Variants in ZNF570 observed in about 807,000 individuals in gnomAD.
ZNF570 encodes the protein zinc finger protein 570.
Under a neutral mutation model 14.2 loss-of-function variants are expected in ZNF570, and 8 were observed. The ratio of observed to expected loss-of-function variants is 0.56; its 90% CI spans 0.33 to 1.02. The LOEUF is 1.02. Among genes scored for constraint, ZNF570 ranks in the 50% least tolerant of loss-of-function variants. The probability of loss-of-function intolerance (pLI) is 0.03; values close to 1 mark genes in which losing one functional copy is unlikely to be tolerated. For missense variants in ZNF570, 559 were observed against 624.9 expected (o/e 0.89, Z 1.12); for synonymous variants, 202 against 207.6 (o/e 0.97, Z 0.23).
At chr19:37,475,335 C>G (rs1416641089) in intron 2 of ZNF570, among the ~76,000 whole-genome samples, 1 of 152,128 alleles carries the variant, frequency 6.6e-6, no homozygotes, top group Non-Finnish European at 1.5e-5. Flanking sequence ...TTTCTTTACA[C>G]AAAATTTTGG....
intron 4 of ZNF570, among the ~76,000 whole-genome samples, chr19:37,480,913 C>T (rs1431984441): frequency 1.3e-5 from 2 of 151,668 alleles, no homozygotes; most frequent in Non-Finnish European, 2.9e-5. Flanking sequence ...CGTGCCACTG[C>T]ACTACCGCCT....
rs763982512 is a variant in ZNF570 at position 37,484,863 on chromosome 19, A to T, written c.1241A>T (p.Tyr414Phe). ...AGAATTCATACTGGAGAAAAACCTT[A>T]TAAGTGTCAGGAATGTAGGAAAGCA... ...HQRIHTGEKP[Y>F]KCQECRKAFS... is the part of the protein sequence containing the mutation. Residue 414 changes from tyrosine (Y) to phenylalanine (F), a missense_variant, in exon 5 of 5, where the codon TAT (tyrosine) becomes TTT (phenylalanine). By Grantham distance (22) the Tyr-to-Phe change is conservative (BLOSUM62 3). Transcript: ENST00000330173. The T allele has an allele frequency of 4.3e-6, 7 of 1,613,714 alleles. No individual in the cohort carries two copies. The highest frequency in any genetic ancestry group is 1.1e-5 in the South Asian group (1 of 91,050).
intron 2 of ZNF570, among the ~76,000 whole-genome samples, chr19:37,471,823 C>T (rs1364233791): frequency 6.6e-6 from 1 of 152,074 alleles, no homozygotes; most frequent in African/African-American, 2.4e-5. Context: ...AACTAGGAAA[C>T]TCTTAACGTA....
In ZNF570 at chr19:37,470,346, G is replaced by A; in HGVS notation, c.-9G>A. On this transcript the variant is annotated 5_prime_UTR_variant, in exon 2 of 5. Transcript: ENST00000330173. ...TATTTCCCAAGAGAAGAGCCAGGAG[G>A]AAGAAAGAATGGCTGTTGGGCTTCT... The A allele has an allele frequency of 6.2e-7, 1 of 1,614,142 alleles. No homozygotes were observed. The highest frequency in any genetic ancestry group is 8.5e-7 in the Non-Finnish European group (1 of 1,179,990).
chr19:37,476,154 C>CG, intron 3 of ZNF570, 147 bp downstream of exon 3: 1 of 1,352,446 alleles, frequency 7.4e-7, no homozygotes. Context: ...GTGGATTTGG[C>CG]AGTGAACATA....
chr19:37,485,285 T>G lies in ZNF570; in HGVS notation c.*52T>G. The stretch of plus-strand genomic sequence containing the variant: ...TTTATACTGTTTTTTATCTTTAATG[T>G]TGTCACCTTGGTCTGATTCATCTCA... On this transcript the variant is annotated 3_prime_UTR_variant, in exon 5 of 5. Transcript: ENST00000330173. 6.8e-7 allele frequency: 1 copy of G among 1,467,410 alleles called. No individual in the cohort carries two copies. 90.9% of individuals were successfully genotyped at this position (1,467,410 alleles called of 1,614,324 possible). A position where few individuals can be genotyped will look rare whatever the true frequency, so the allele number is the denominator to read the frequency against.
chr19:37,468,031 T>G, upstream of ZNF570: 1 of 1,137,094 alleles, frequency 8.8e-7, no homozygotes, highest in Non-Finnish European at 1.3e-6. Flanking sequence ...ACTAGCTGTG[T>G]CATCTCAGAC....
chr19:37,470,328 CAAGAG>C lies in ZNF570; in HGVS notation c.-21_-17del. 6.2e-7 allele frequency: 1 copy of C among 1,614,014 alleles called. No homozygotes were observed. The highest frequency in any genetic ancestry group is 1.1e-5 in the South Asian group (1 of 91,070). On this transcript the variant is annotated 5_prime_UTR_variant, in exon 2 of 5. Transcript: ENST00000330173. ...GTCATCTGAGGCCACTGCTATTTCCCAAGAGAAGAGCCAGGAGGAAGAAAGAATGG... is the reference window on the plus strand; with the variant it reads ...GTCATCTGAGGCCACTGCTATTTCCCAAGAGCCAGGAGGAAGAAAGAATGG...
Position 37,488,146 on chromosome 19 carries a change from TATG to T in ZNF570, c.*2917_*2919del, listed in dbSNP as rs1600393331. On this transcript the variant is annotated 3_prime_UTR_variant, in exon 5 of 5. Transcript: ENST00000330173. ...TCTCCTCGTGTTTCAAGGAGATACA[TATG>T]ATGGTCCATTGCAGAACTGTGAGAA... 6.6e-6 allele frequency: 1 copy of T among 152,222 alleles called. No homozygotes were observed. Among genetic ancestry groups the T allele is most frequent in the Non-Finnish European group, 1.5e-5 (1 of 68,034 alleles). The allele number at this position is 152,222 out of a possible 1,614,324, so 9.4% of individuals were successfully genotyped here.
In ZNF570 at chr19:37,484,786, T is replaced by C. The variant is rs372777509; in HGVS notation, c.1164T>C (p.Cys388=). ...RIHTGERPYE[C]KECGKAFSQN... ...ATACTGGAGAGAGACCCTATGAATG[T>C]AAGGAATGTGGGAAGGCCTTTAGCC... Residue 388 remains cysteine (C), a synonymous_variant, in exon 5 of 5, where the codon TGT becomes TGC. Transcript: ENST00000330173. The C allele has an allele frequency of 6.2e-6, 10 of 1,613,904 alleles. No individual in the cohort carries two copies. Among genetic ancestry groups the C allele is most frequent in the Non-Finnish European group, 8.5e-6 (10 of 1,180,000 alleles).
intron 4 of ZNF570, among the ~76,000 whole-genome samples, chr19:37,477,276 G>T (rs1178770125): frequency 6.7e-6 from 1 of 149,750 alleles, no homozygotes; most frequent in East Asian, 2.0e-4. Flanking sequence ...TGCTCATTGT[G>T]GGGGAGGTTG....
At chr19:37,471,009 A>ATTTTTTTT (rs764609936) in intron 2 of ZNF570, among the ~76,000 whole-genome samples, 109 of 84,386 alleles carry the variant, frequency 1.3e-3, no homozygotes, top group South Asian at 2.4e-3. Flanking sequence ...CAGTGAGTAC[A>ATTTTTTTT]TTTTTTTTTT....
At chr19:37,475,256 C>T (rs1200900807) in intron 2 of ZNF570, among the ~76,000 whole-genome samples, 3 of 152,108 alleles carry the variant, frequency 2.0e-5, no homozygotes, top group Admixed American at 2.0e-4. Context: ...GAGCCCAGCT[C>T]AGTGTCAAGT....
At chr19:37,472,393 G>A in intron 2 of ZNF570, among the ~76,000 whole-genome samples, 1 of 151,808 alleles carries the variant, frequency 6.6e-6, no homozygotes, top group East Asian at 1.9e-4. Flanking sequence ...TTATAGGCGG[G>A]GGTGGGTGGA....
chr19:37,485,215 C>T lies in ZNF570; in HGVS notation c.1593C>T (p.Val531=). Residue 531 remains valine (V), a synonymous_variant, in exon 5 of 5, where the codon GTC becomes GTT. Coordinates refer to ENST00000330173, the MANE Select transcript of ZNF570 (RefSeq NM_144694.5). ...AGTCACTGTCACCACCCAACCCAGTCAATCACCAAGTCCTATAGATCCTGA... is the reference window on the plus strand; with the variant it reads ...AGTCACTGTCACCACCCAACCCAGTTAATCACCAAGTCCTATAGATCCTGA... The part of the protein sequence containing the change: ...IGESLSPPNP[V]NHQVL 6.4e-7 allele frequency: 1 copy of T among 1,553,216 alleles called. No individual in the cohort carries two copies. Among genetic ancestry groups the T allele is most frequent in the Non-Finnish European group, 8.7e-7 (1 of 1,153,226 alleles).
chr19:37,471,729 A>G (rs943544418), intron 2 of ZNF570, among the ~76,000 whole-genome samples: 2 of 152,192 alleles, frequency 1.3e-5, no homozygotes, highest in Admixed American at 6.5e-5. Flanking sequence ...CATGAGTGAC[A>G]TGAACTGATT....
intron 4 of ZNF570, among the ~76,000 whole-genome samples, 182 bp from the exon 5 acceptor site, chr19:37,483,697 T>G (rs991237430): frequency 2.6e-5 from 4 of 152,246 alleles, no homozygotes; most frequent in Non-Finnish European, 4.4e-5. Context: ...TAATCATTCC[T>G]TCTTAGGTTT....
At position 37,485,183 on chromosome 19, in the gene ZNF570, A is replaced by G. The variant is rs1238419398; in HGVS notation, c.1561A>G (p.Ile521Val). 6.3e-7 allele frequency: 1 copy of G among 1,586,456 alleles called. No homozygotes were observed. The highest frequency in any genetic ancestry group is 2.2e-5 in the East Asian group (1 of 44,714). Reference sequence around the variant, plus strand: ...CCTTGCTCATCACCAGAGAATTCACATTGGGGAGTCACTGTCACCACCCAA... The same window carrying G: ...CCTTGCTCATCACCAGAGAATTCACGTTGGGGAGTCACTGTCACCACCCAA... ...AHLAHHQRIHIGESLSPPNPV... is the reference protein window; with the variant it reads ...AHLAHHQRIHVGESLSPPNPV... Residue 521 changes from isoleucine to valine, a missense_variant, in exon 5 of 5, where the codon ATT becomes GTT. By Grantham distance (29) the Ile-to-Val change is conservative. Transcript: ENST00000330173.
intron 2 of ZNF570, among the ~76,000 whole-genome samples, chr19:37,471,641 T>C (rs1192401168): frequency 6.6e-6 from 1 of 152,144 alleles, no homozygotes; most frequent in African/African-American, 2.4e-5. Flanking sequence ...GCCTACATCT[T>C]CATTTGGTTG....
Sources: allele counts gnomAD v4.1 joint callset (sites outside exome capture counted in the v4.1 genomes callset), GRCh38; gene constraint gnomAD v4.1.1; transcripts MANE v1.5; gene names NCBI Gene and HGNC (gene_info 2026-07-23, HGNC 2026-07-21).